Variants in RMI1 observed in about 807,000 individuals in gnomAD.
RMI1 encodes recQ-mediated genome instability protein 1.
In RMI1, 36 loss-of-function variants were observed where a neutral mutation model predicts 46.7. The ratio of observed to expected loss-of-function variants is 0.77; its 90% CI spans 0.59 to 1.02. The LOEUF is 1.02. RMI1 is among the 50% of genes least tolerant of loss of function. The pLI, the probability that RMI1 is intolerant of heterozygous loss-of-function variation, is 0.00. For missense variants in RMI1, 676 were observed against 713.7 expected, an observed-to-expected ratio of 0.95 and a Z score of 0.60; for synonymous variants, 250 against 252.9, an observed-to-expected ratio of 0.99 and a Z score of 0.11.
At chr9:83,996,427 A>G (rs1476929685) in intron 1 of RMI1, among the ~76,000 whole-genome samples, 2 of 152,132 alleles carry the variant, frequency 1.3e-5, no homozygotes, top group Non-Finnish European at 2.9e-5. Flanking sequence ...CACTGTTTTT[A>G]GCTAAGTGCC....
chr9:83,990,171 G>C (rs2133110067), intron 1 of RMI1, among the ~76,000 whole-genome samples: 1 of 152,262 alleles, frequency 6.6e-6, no homozygotes, highest in South Asian at 2.1e-4. Flanking sequence ...CCAGAGGCTG[G>C]GAAGGGTAGG....
At position 83,999,743 on chromosome 9, in the gene RMI1, C is replaced by T. The variant is rs965106126; in HGVS notation, c.-91C>T. ...TGAGCAGTGGAGGTTTCAAGTAATC[C>T]ACTAACAACCAGTTCCAAATTCTGT... On this transcript the variant is annotated 5_prime_UTR_variant, in exon 2 of 3. Coordinates refer to ENST00000445877, the MANE Select transcript of RMI1 (RefSeq NM_001358291.2). 1 of 152,152 alleles carries T rather than the reference C, an allele frequency of 6.6e-6. No homozygotes were observed. The highest frequency in any genetic ancestry group is 1.5e-5 in the Non-Finnish European group (1 of 68,020). The allele number at this position is 152,152 out of a possible 1,614,324, so 9.4% of individuals were successfully genotyped here.
intron 1 of RMI1, among the ~76,000 whole-genome samples, chr9:83,984,320 A>G (rs541226958): frequency 6.8e-6 from 1 of 146,758 alleles, no homozygotes; most frequent in South Asian, 2.1e-4. Flanking sequence ...CCTATGCTGG[A>G]GTGCAGTGGC....
chr9:83,986,590 C>A (rs1244597021), intron 1 of RMI1, among the ~76,000 whole-genome samples: 1 of 152,118 alleles, frequency 6.6e-6, no homozygotes, highest in Non-Finnish European at 1.5e-5. Flanking sequence ...CTCTTTCTAT[C>A]AAAAAATTAC....
intron 1 of RMI1, among the ~76,000 whole-genome samples, chr9:83,983,079 G>C (rs1400300458): frequency 6.6e-6 from 1 of 152,188 alleles, no homozygotes; most frequent in Admixed American, 6.5e-5. Context: ...ATATAATTGA[G>C]AATGTACACT....
At position 83,990,470 on chromosome 9, in the gene RMI1, G is replaced by A. The variant is rs551128702; in HGVS notation, c.-125-9239G>A. Among the ~76,000 whole-genome samples, 222 of 150,234 alleles carry A rather than the reference G, an allele frequency of 1.5e-3. 1 individual carries two copies. Among genetic ancestry groups the A allele is most frequent in the African/African-American group, 5.2e-3 (211 of 40,920 alleles). ...GGTTGCCGTGAGTCGAGATAGCGCC[G>A]CTGCACTCCAGCCTGGGCGACAGAG... On this transcript the variant is annotated intron_variant, in intron 1 of 2. Coordinates refer to ENST00000445877, the MANE Select transcript of RMI1 (RefSeq NM_001358291.2).
intron 1 of RMI1, among the ~76,000 whole-genome samples, chr9:83,993,454 T>C (rs148093849): frequency 1.6e-4 from 24 of 152,326 alleles, no homozygotes; most frequent in African/African-American, 5.8e-4. Context: ...CAAACGTGGA[T>C]TGTGAGATAT....
chr9:83,994,804 C>T (rs1431020181), intron 1 of RMI1, among the ~76,000 whole-genome samples: 3 of 152,130 alleles, frequency 2.0e-5, no homozygotes, highest in Non-Finnish European at 4.4e-5. Context: ...AGACATGAAC[C>T]ACCACGTCTA....
At chr9:83,996,465 T>C (rs754275349) in intron 1 of RMI1, among the ~76,000 whole-genome samples, 2 of 152,236 alleles carry the variant, frequency 1.3e-5, no homozygotes, top group Non-Finnish European at 2.9e-5. Flanking sequence ...ACGGCTTTAG[T>C]GCCCACTTAA....
At chr9:83,993,654 G>C (rs1957606611) in intron 1 of RMI1, among the ~76,000 whole-genome samples, 1 of 151,930 alleles carries the variant, frequency 6.6e-6, no homozygotes, top group Admixed American at 6.6e-5. Context: ...GTTATTTTCT[G>C]GTTTTTTGAT....
Position 84,001,277 on chromosome 9 carries a change from G to C in RMI1, c.291G>C (p.Gln97His). The change falls in exon 3 of 3, where the codon CAG becomes CAC. Residue 97 changes from glutamine to histidine, a missense_variant. By Grantham distance (24) the Gln-to-His change is conservative. Transcript: ENST00000445877. ...LQINSLVDVS[Q>H]PAYSQIQKLR... is the part of the protein sequence containing the mutation. Reference sequence around the variant, plus strand: ...TTAATTCCTTGGTTGATGTAAGTCAGCCTGCATACTCCCAGATACAGAAGT... The same window carrying C: ...TTAATTCCTTGGTTGATGTAAGTCACCCTGCATACTCCCAGATACAGAAGT... 1 of 1,614,096 alleles carries C rather than the reference G, an allele frequency of 6.2e-7. No individual in the cohort carries two copies. The highest frequency in any genetic ancestry group is 8.5e-7 in the Non-Finnish European group (1 of 1,179,994).
intron 1 of RMI1, among the ~76,000 whole-genome samples, chr9:83,994,504 CTT>C (rs1024148366): frequency 1.3e-5 from 2 of 152,144 alleles, no homozygotes; most frequent in African/African-American, 4.8e-5. Context: ...CATCTTTAAT[CTT>C]TTACATGGGC....
chr9:83,985,857 A>C (rs961871546), intron 1 of RMI1, among the ~76,000 whole-genome samples: 1 of 152,138 alleles, frequency 6.6e-6, no homozygotes, highest in African/African-American at 2.4e-5. Context: ...AAATACAAAA[A>C]AATTAGCCGG....
At chr9:83,991,339 C>G (rs1489685564) in intron 1 of RMI1, among the ~76,000 whole-genome samples, 1 of 149,600 alleles carries the variant, frequency 6.7e-6, no homozygotes, top group African/African-American at 2.5e-5. Flanking sequence ...TTTTTAGAGA[C>G]AGGTTCTCAC....
chr9:83,982,024 G>C (rs756532826), intron 1 of RMI1, among the ~76,000 whole-genome samples: 4 of 152,132 alleles, frequency 2.6e-5, no homozygotes, highest in Non-Finnish European at 5.9e-5. Context: ...TTTTTAAATG[G>C]TCCCCACCAT....
intron 1 of RMI1, among the ~76,000 whole-genome samples, chr9:83,990,639 A>T (rs1310321967): frequency 1.3e-5 from 2 of 152,200 alleles, no homozygotes; most frequent in African/African-American, 4.8e-5. Context: ...GAAAGAAATG[A>T]TAAATGTGTG....
At chr9:83,995,086 G>C (rs533621428) in intron 1 of RMI1, among the ~76,000 whole-genome samples, 1 of 152,044 alleles carries the variant, frequency 6.6e-6, no homozygotes, top group Admixed American at 6.6e-5. Context: ...CACAACCTCC[G>C]CCTCCCAGAT....
chr9:83,993,622 T>TC (rs1957605906), intron 1 of RMI1, among the ~76,000 whole-genome samples: 1 of 152,176 alleles, frequency 6.6e-6, no homozygotes, highest in South Asian at 2.1e-4. Flanking sequence ...GTTTCAATTT[T>TC]CCCACATCCT....
chr9:83,997,264 A>G (rs1346525500), intron 1 of RMI1, among the ~76,000 whole-genome samples: 1 of 151,788 alleles, frequency 6.6e-6, no homozygotes, highest in Admixed American at 6.6e-5. Flanking sequence ...GGCATGCGCC[A>G]CCACACCCAG....
Sources: gnomAD v4.1 joint callset for allele counts (sites outside exome capture counted in the v4.1 genomes callset) on GRCh38, gnomAD v4.1.1 for gene constraint, MANE v1.5 for transcripts, NCBI Gene and HGNC (gene_info 2026-07-23, HGNC 2026-07-21) for gene names.